DPYD: variants seen among roughly 807,000 people sequenced by gnomAD.
DPYD encodes the protein dihydropyrimidine dehydrogenase.
A neutral mutation model predicts 116.2 loss-of-function variants in DPYD; 109 were observed. The observed-to-expected ratio is 0.94, with a 90% CI of 0.80 to 1.10. The LOEUF (loss-of-function observed/expected upper bound fraction) is 1.10, where lower values mean the gene tolerates loss of function less well. DPYD is among the 50% of genes least tolerant of loss of function. DPYD has a pLI of 0.00. For synonymous variants in DPYD, 440 were observed against 432.0 expected, an observed-to-expected ratio of 1.02 and a Z score of -0.23; for missense variants, 1,302 against 1,254.5, an observed-to-expected ratio of 1.04 and a Z score of -0.57.
intron 13 of DPYD, among the ~76,000 whole-genome samples, chr1:97,510,333 C>T (rs934664208): frequency 1.3e-5 from 2 of 151,898 alleles, no homozygotes; most frequent in Admixed American, 1.3e-4. Flanking sequence ...ATGTGCCTTC[C>T]ATTTCTCCAG....
intron 8 of DPYD, among the ~76,000 whole-genome samples, chr1:97,640,099 T>C (rs1657800785): frequency 6.6e-6 from 1 of 152,292 alleles, no homozygotes; most frequent in African/African-American, 2.4e-5. Context: ...AACTGACAAC[T>C]CATTAAAATG....
chr1:97,331,576 T>C (rs1157586201), intron 16 of DPYD, among the ~76,000 whole-genome samples: 1 of 152,126 alleles, frequency 6.6e-6, no homozygotes, highest in Admixed American at 6.5e-5. Flanking sequence ...CTCATGTTCA[T>C]ATGGGTTATG....
chr1:97,366,493 A>G (rs1341673320), intron 16 of DPYD, among the ~76,000 whole-genome samples: 16 of 152,092 alleles, frequency 1.1e-4, no homozygotes, highest in Admixed American at 1.0e-3. Flanking sequence ...ATGATTTTCA[A>G]ACCCATAAAA....
intron 3 of DPYD, among the ~76,000 whole-genome samples, chr1:97,760,324 C>T (rs1241858845): frequency 6.6e-6 from 1 of 152,060 alleles, no homozygotes; most frequent in South Asian, 2.1e-4. Context: ...CACAAACACA[C>T]CCCACATATA....
intron 18 of DPYD, among the ~76,000 whole-genome samples, chr1:97,269,785 AGC>A (rs1322961844): frequency 6.6e-6 from 1 of 152,108 alleles, no homozygotes; most frequent in Non-Finnish European, 1.5e-5. Context: ...TTTAACTTTC[AGC>A]ACCTCTTCAC....
intron 2 of DPYD, among the ~76,000 whole-genome samples, chr1:97,832,931 CA>C (rs5776383): frequency 1 from 149,560 of 149,616 alleles, 74,752 homozygotes; most frequent in Middle Eastern, 1. Flanking sequence ...CAAATTATAC[CA>C]AAAAAAATCA....
intron 14 of DPYD, among the ~76,000 whole-genome samples, chr1:97,429,012 G>T (rs1477768456): frequency 1.3e-5 from 2 of 151,964 alleles, no homozygotes; most frequent in Non-Finnish European, 2.9e-5. Context: ...GAAAATTTAA[G>T]AGCTTAAGTA....
intron 16 of DPYD, among the ~76,000 whole-genome samples, chr1:97,336,091 C>T (rs1245294409): frequency 6.6e-6 from 1 of 152,100 alleles, no homozygotes; most frequent in African/African-American, 2.4e-5. Context: ...AAAGAAAGCT[C>T]CAAAAAAGCA....
At chr1:97,679,296 A>G in intron 7 of DPYD, 114 bp from the exon 8 acceptor site, 1 of 589,942 alleles carries the variant, frequency 1.7e-6, no homozygotes, top group Non-Finnish European at 3.1e-6. Context: ...GATTCCATAT[A>G]AAATGTGACA....
intron 10 of DPYD, among the ~76,000 whole-genome samples, chr1:97,574,860 TAGATTC>T (rs1653161329): frequency 6.6e-6 from 1 of 152,122 alleles, no homozygotes; most frequent in Admixed American, 6.6e-5. Context: ...GAAAGCCAGG[TAGATTC>T]TCAATAGGCT....
At chr1:97,862,266 C>T (rs1166379918) in intron 2 of DPYD, among the ~76,000 whole-genome samples, 1 of 151,828 alleles carries the variant, frequency 6.6e-6, no homozygotes, top group African/African-American at 2.4e-5. Context: ...ACAAATTTAT[C>T]ATTTATTACT....
chr1:97,626,373 G>A (rs1344848887), intron 8 of DPYD, among the ~76,000 whole-genome samples: 1 of 151,554 alleles, frequency 6.6e-6, no homozygotes, highest in Non-Finnish European at 1.5e-5. Flanking sequence ...TTCTTTTTTA[G>A]AAGATTTTAT....
chr1:97,186,104 C>T (rs6673282), intron 20 of DPYD, among the ~76,000 whole-genome samples: 109,097 of 152,082 alleles, frequency 0.72, 40,382 homozygotes, highest in East Asian at 0.99. Context: ...TTGACATTTA[C>T]ACATTTCTTT....
intron 20 of DPYD, among the ~76,000 whole-genome samples, chr1:97,185,928 T>G (rs1025963301): frequency 1.3e-5 from 2 of 152,200 alleles, no homozygotes; most frequent in Non-Finnish European, 2.9e-5. Flanking sequence ...TGTCACAACT[T>G]GTCAAATGGT....
chr1:97,919,536 C>A (rs1674390504), intron 1 of DPYD, among the ~76,000 whole-genome samples: 1 of 152,130 alleles, frequency 6.6e-6, no homozygotes, highest in African/African-American at 2.4e-5. Context: ...TATCTTAAAT[C>A]AATACTGCCT....
At chr1:97,615,900 CCT>C (rs1656238663) in intron 8 of DPYD, among the ~76,000 whole-genome samples, 1 of 152,064 alleles carries the variant, frequency 6.6e-6, no homozygotes, top group Non-Finnish European at 1.5e-5. Context: ...CTTCATTACC[CCT>C]GAGTTAAGAT....
chr1:97,413,390 C>A (rs1466735895), intron 14 of DPYD, among the ~76,000 whole-genome samples: 1 of 152,056 alleles, frequency 6.6e-6, no homozygotes, highest in East Asian at 1.9e-4. Context: ...AAGAGTAATG[C>A]GGATTTTTGC....
chr1:97,496,689 TATC>T (rs2101918117), intron 13 of DPYD, among the ~76,000 whole-genome samples: 1 of 152,098 alleles, frequency 6.6e-6, no homozygotes, highest in Admixed American at 6.6e-5. Context: ...AACTGTTTGG[TATC>T]ATCTTTTTTC....
At chr1:97,260,381 C>G (rs1481116507) in intron 18 of DPYD, among the ~76,000 whole-genome samples, 5 of 151,754 alleles carry the variant, frequency 3.3e-5, no homozygotes, top group Admixed American at 3.3e-4. Context: ...GTATTCTGTA[C>G]TATCATATTT....
Sources: allele counts gnomAD v4.1 joint callset (sites outside exome capture counted in the v4.1 genomes callset), GRCh38; gene constraint gnomAD v4.1.1; transcripts MANE v1.5; gene names NCBI Gene and HGNC (gene_info 2026-07-23, HGNC 2026-07-21).